The following RABGAP1 variants were observed in gnomAD, a reference collection of about 807,000 sequenced individuals.
RABGAP1 encodes RAB GTPase activating protein 1, also known as rab GTPase-activating protein 1.
RABGAP1 carries 23 observed loss-of-function variants against 137.6 expected under a neutral mutation model. That is an observed-to-expected ratio of 0.17 (90% CI 0.12 to 0.24). The LOEUF (loss-of-function observed/expected upper bound fraction) is 0.24. Among genes scored for constraint, RABGAP1 ranks in the 10% least tolerant of loss-of-function variants. The pLI is 1.00. For synonymous variants in RABGAP1, 451 were observed against 450.7 expected (o/e 1.00, Z -0.01); for missense variants, 906 against 1,275.8 (o/e 0.71, Z 4.42).
intron 12 of RABGAP1, among the ~76,000 whole-genome samples, chr9:123,017,068 A>G (rs979669808): frequency 6.6e-6 from 1 of 152,234 alleles, no homozygotes; most frequent in Non-Finnish European, 1.5e-5. Flanking sequence ...GTATTTCTTT[A>G]CATCAGGAGA....
At chr9:123,011,146 A>G (rs1047480202) in intron 11 of RABGAP1, among the ~76,000 whole-genome samples, 1 of 152,090 alleles carries the variant, frequency 6.6e-6, no homozygotes, top group Non-Finnish European at 1.5e-5. Context: ...CTAACTTACT[A>G]CCAGGGCTTC....
intron 2 of RABGAP1, among the ~76,000 whole-genome samples, chr9:122,957,422 CT>C (rs1834584747): frequency 6.6e-6 from 1 of 152,162 alleles, no homozygotes; most frequent in South Asian, 2.1e-4. Context: ...TTCAATACCC[CT>C]AAGTGTCAAA....
chr9:122,983,592 A>G (rs1292783328), intron 2 of RABGAP1, among the ~76,000 whole-genome samples: 1 of 152,190 alleles, frequency 6.6e-6, no homozygotes, highest in Non-Finnish European at 1.5e-5. Context: ...TAATTTTGCT[A>G]GGGTAGGCCT....
Position 122,986,372 on chromosome 9 carries a change from A to T in RABGAP1, c.543A>T (p.Ser181=). 1.2e-6 allele frequency: 2 copies of T among 1,614,152 alleles called. No homozygotes were observed. Among genetic ancestry groups the T allele is most frequent in the Middle Eastern group, 3.3e-4 (2 of 6,062 alleles). Residue 181 remains serine, a synonymous_variant, in exon 4 of 26, where the codon TCA becomes TCT. Coordinates refer to ENST00000373647, the MANE Select transcript of RABGAP1 (RefSeq NM_012197.4). ...MSILRSQCQI[S]LDVTLSVPNV... ...TCTTAAGAAGCCAGTGTCAGATTTCACTAGATGTTACCCTTTCAGTGCCGA... is the reference window on the plus strand; with the variant it reads ...TCTTAAGAAGCCAGTGTCAGATTTCTCTAGATGTTACCCTTTCAGTGCCGA...
At chr9:123,010,722 G>A (rs1427250398) in intron 11 of RABGAP1, among the ~76,000 whole-genome samples, 194 bp downstream of exon 11, 1 of 152,142 alleles carries the variant, frequency 6.6e-6, no homozygotes, top group African/African-American at 2.4e-5. Context: ...TAAGATACTT[G>A]TAACCCAGTT....
At chr9:123,089,622 C>T (rs969785703) in intron 19 of RABGAP1, 136 bp from the exon 20 acceptor site, 10 of 660,412 alleles carry the variant, frequency 1.5e-5, no homozygotes, top group Admixed American at 1.4e-4. Flanking sequence ...TGATTTCCCT[C>T]CAAAAAAATA....
chr9:122,939,056 A>C (rs1833440712), upstream of RABGAP1: 1 of 152,224 alleles, frequency 6.6e-6, no homozygotes, highest in Admixed American at 6.5e-5. Context: ...TAATTTGGTC[A>C]ACAGAATATT....
chr9:123,049,535 T>A (rs2033366386), intron 13 of RABGAP1, among the ~76,000 whole-genome samples: 1 of 152,254 alleles, frequency 6.6e-6, no homozygotes, highest in South Asian at 2.1e-4. Flanking sequence ...TTTTCATTAG[T>A]ATGGTTCATA....
intron 13 of RABGAP1, among the ~76,000 whole-genome samples, chr9:123,032,976 A>C (rs908896246): frequency 1.3e-5 from 2 of 152,208 alleles, no homozygotes; most frequent in Non-Finnish European, 2.9e-5. Flanking sequence ...AGCAAATTAG[A>C]AGCAAGAAAT....
At chr9:123,026,852 T>C (rs1278936315) in intron 13 of RABGAP1, among the ~76,000 whole-genome samples, 1 of 152,240 alleles carries the variant, frequency 6.6e-6, no homozygotes, top group Non-Finnish European at 1.5e-5. Context: ...TATAATTCAG[T>C]GCTTAGTAGC....
intron 13 of RABGAP1, among the ~76,000 whole-genome samples, chr9:123,038,823 C>T (rs977145375): frequency 6.6e-6 from 1 of 151,700 alleles, no homozygotes; most frequent in Non-Finnish European, 1.5e-5. Flanking sequence ...GTAAACGAGT[C>T]ATTTGGCCTT....
intron 13 of RABGAP1, among the ~76,000 whole-genome samples, chr9:123,039,137 C>T (rs915151955): frequency 2.0e-5 from 3 of 152,178 alleles, no homozygotes; most frequent in Non-Finnish European, 4.4e-5. Flanking sequence ...AGCCATACAT[C>T]ATGATGTGTT....
chr9:123,103,257 T>C lies in RABGAP1; in HGVS notation c.*44T>C, dbSNP rs1446314491. On this transcript the variant is annotated 3_prime_UTR_variant, in exon 26 of 26. Transcript: ENST00000373647. ...GACACCTTCAGAAAACACGACACCT[T>C]TTGTTGCCTTCTTTGGCCAGATGTG... 6.2e-7 allele frequency: 1 copy of C among 1,608,814 alleles called. No homozygotes were observed. The highest frequency in any genetic ancestry group is 8.5e-7 in the Non-Finnish European group (1 of 1,177,684).
intron 19 of RABGAP1, among the ~76,000 whole-genome samples, chr9:123,082,509 G>A (rs1027895022): frequency 1.3e-5 from 2 of 152,150 alleles, no homozygotes; most frequent in African/African-American, 2.4e-5. Flanking sequence ...AATATGCAAG[G>A]GAAGCTCTTT....
intron 17 of RABGAP1, 128 bp from the exon 18 acceptor site, chr9:123,076,117 G>C (rs2034501764): frequency 1.0e-6 from 1 of 954,090 alleles, no homozygotes; most frequent in East Asian, 2.8e-5. Context: ...TTTCAAGGTA[G>C]TTCTGAGATA....
Position 123,068,348 on chromosome 9 carries a change from CAAAAAAA to C in RABGAP1, c.1909-1990_1909-1984del, listed in dbSNP as rs998962006. 1.2e-4 allele frequency among the ~76,000 whole-genome samples: 8 copies of C among 66,558 alleles called. No individual in the cohort carries two copies. In the South Asian group the frequency reaches 4.0e-3, roughly 33 times the overall value. The allele number at this position is 66,558 out of a possible 152,430, so 43.7% of individuals were successfully genotyped here. A position where few individuals can be genotyped will look rare whatever the true frequency, so the allele number is the denominator to read the frequency against. ...TCGGGTGACACAGGAGACTCCATCT[CAAAAAAA>C]AAAAAAAAAAAGAAAAAATCCATAT... is the stretch of plus-strand genomic sequence containing the variant. On this transcript the variant is annotated intron_variant, in intron 14 of 25. Transcript: ENST00000373647.
At chr9:123,025,490 GT>G (rs1488996737) in intron 13 of RABGAP1, among the ~76,000 whole-genome samples, 1 of 143,040 alleles carries the variant, frequency 7.0e-6, no homozygotes, top group Admixed American at 7.0e-5. Context: ...GAAGGTATAA[GT>G]TTAACATGTG....
the RABGAP1 span, among the ~76,000 whole-genome samples, chr9:122,932,631 G>T: frequency 6.6e-6 from 1 of 152,066 alleles, no homozygotes; most frequent in Non-Finnish European, 1.5e-5. Context: ...CTGGGTTCAA[G>T]CGGTTCTCCT....
chr9:123,057,708 T>G (rs1316791524), intron 13 of RABGAP1, among the ~76,000 whole-genome samples: 8 of 152,156 alleles, frequency 5.3e-5, no homozygotes, highest in Middle Eastern at 3.4e-3. Flanking sequence ...AGGCAGCTGG[T>G]AGGTGGAGGT....
Sources: allele counts gnomAD v4.1 joint callset (sites outside exome capture counted in the v4.1 genomes callset), GRCh38; gene constraint gnomAD v4.1.1; transcripts MANE v1.5; gene names NCBI Gene and HGNC (gene_info 2026-07-23, HGNC 2026-07-21).